TLR6: variants seen among roughly 807,000 people sequenced by gnomAD.
TLR6 encodes toll-like receptor 6.
Under a neutral mutation model 16.1 loss-of-function variants are expected in TLR6, and 9 were observed. The observed-to-expected ratio is 0.56, with a 90% CI of 0.34 to 0.98. The LOEUF (loss-of-function observed/expected upper bound fraction) is 0.98, where lower values mean the gene tolerates loss of function less well. Among genes scored for constraint, TLR6 ranks in the 50% least tolerant of loss-of-function variants. TLR6 has a pLI of 0.02. For missense variants in TLR6, 786 were observed against 921.0 expected, an observed-to-expected ratio of 0.85 and a Z score of 1.90; for synonymous variants, 340 against 338.6, an observed-to-expected ratio of 1.00 and a Z score of -0.04.
At chr4:38,862,948 A>AAAC in the TLR6 span, among the ~76,000 whole-genome samples, 139 of 151,140 alleles carry the variant, frequency 9.2e-4, 1 homozygote, top group Non-Finnish European at 1.1e-3. Flanking sequence ...AAAAAAAAAA[A>AAAC]AAAAAACTCC....
chr4:38,829,367 A>G lies in TLR6; in HGVS notation c.107T>C (p.Val36Ala), dbSNP rs1275789319. The G allele has an allele frequency of 3.7e-6, 6 of 1,614,028 alleles. No individual in the cohort carries two copies. The African/African-American group carries it at 5.3e-5, about 14-fold the overall frequency. The stretch of plus-strand genomic sequence containing the variant: ...AATAAGACCTCTTTTTGACTTGTCT[A>G]CTGCAAATTCATTTCCGTCGGAGAA... The change falls in exon 2 of 2, where the codon GTA becomes GCA. Residue 36 changes from valine to alanine, a missense_variant. Physicochemically the swap from Val to Ala is moderately conservative, Grantham distance 64. Transcript: ENST00000436693.
At chr4:38,826,097 G>C in exon 2 of TLR6, 1 of 152,216 alleles carries the variant, frequency 6.6e-6, no homozygotes, top group East Asian at 1.9e-4. Flanking sequence ...GTGTGCTCCT[G>C]TTACTCTGCA....
At chr4:38,848,421 A>C (rs545244556) in intron 1 of TLR6, among the ~76,000 whole-genome samples, 1 of 152,362 alleles carries the variant, frequency 6.6e-6, no homozygotes, top group East Asian at 1.9e-4. Context: ...CAACGGAACA[A>C]AGCTGGAGAG....
At chr4:38,860,152 T>C (rs60488618), upstream of TLR6, among the ~76,000 whole-genome samples, 34,226 of 152,048 alleles carry the variant, frequency 0.23, 4,727 homozygotes, top group Non-Finnish European at 0.31. Context: ...ATCAATATCA[T>C]AAGATACACA....
At chr4:38,865,920 C>T in the TLR6 span, among the ~76,000 whole-genome samples, 13 of 152,300 alleles carry the variant, frequency 8.5e-5, no homozygotes, top group African/African-American at 3.1e-4. Context: ...GGGCAGATCA[C>T]TTGAGGTCAG....
At chr4:38,862,930 T>TAAAAAAAAAAAAAAAAAAAAAA in the TLR6 span, among the ~76,000 whole-genome samples, 1 of 83,112 alleles carries the variant, frequency 1.2e-5, no homozygotes, top group Non-Finnish European at 2.2e-5. Flanking sequence ...TTCTCCCATC[T>TAAAAAAAAAAAAAAAAAAAAAA]AAAAAAAAAA....
intron 1 of TLR6, among the ~76,000 whole-genome samples, chr4:38,839,194 G>C (rs1348258900): frequency 6.6e-6 from 1 of 151,262 alleles, no homozygotes; most frequent in Non-Finnish European, 1.5e-5. Flanking sequence ...GGTGAAAGAA[G>C]TCAGTCTGAA....
intron 1 of TLR6, among the ~76,000 whole-genome samples, chr4:38,830,394 A>G (rs1489533444): frequency 6.6e-6 from 1 of 152,250 alleles, no homozygotes; most frequent in Non-Finnish European, 1.5e-5. Context: ...ACAAGCAACT[A>G]TAAGCCACAA....
chr4:38,844,899 C>CA (rs905593112), intron 1 of TLR6, among the ~76,000 whole-genome samples: 13 of 150,158 alleles, frequency 8.7e-5, no homozygotes, highest in Admixed American at 4.0e-4. Flanking sequence ...ACTAAACAAA[C>CA]AAAAAAAAAA....
chr4:38,828,345 CT>C lies in TLR6; in HGVS notation c.1128del (p.Val377LeufsTer13), dbSNP rs773125232. The C allele has an allele frequency of 5.9e-5, 95 of 1,613,218 alleles. No homozygotes were observed. In the Admixed American group the frequency reaches 6.2e-4, roughly 10 times the overall value. Reference sequence around the variant, plus strand: ...TGTAAGATAAGTGTCTCCAATTTAACTAACGTGGAACATTTTTCAAAAATAC... The same window carrying C: ...TGTAAGATAAGTGTCTCCAATTTAACAACGTGGAACATTTTTCAAAAATAC... On this transcript the variant is annotated frameshift_variant, in exon 2 of 2. Coordinates refer to ENST00000436693, the Ensembl canonical transcript of TLR6. LOFTEE classifies it low-confidence loss of function (END_TRUNC).
the TLR6 span, among the ~76,000 whole-genome samples, chr4:38,865,206 T>C: frequency 1.6e-4 from 25 of 152,344 alleles, no homozygotes; most frequent in East Asian, 4.4e-3. Context: ...GTATTTCCTA[T>C]ATTTTTTACA....
At chr4:38,830,644 A>G (rs1727774028) in intron 1 of TLR6, among the ~76,000 whole-genome samples, 1 of 152,072 alleles carries the variant, frequency 6.6e-6, no homozygotes, top group African/African-American at 2.4e-5. Context: ...GGGCCGAGGA[A>G]GTCGAGGCTC....
At chr4:38,847,689 G>A (rs1487070846) in intron 1 of TLR6, among the ~76,000 whole-genome samples, 1 of 152,220 alleles carries the variant, frequency 6.6e-6, no homozygotes, top group African/African-American at 2.4e-5. Flanking sequence ...CTCATTGCTA[G>A]CACAGCAGTC....
intron 1 of TLR6, among the ~76,000 whole-genome samples, chr4:38,845,412 T>C (rs748620491): frequency 9.8e-5 from 15 of 152,358 alleles, no homozygotes; most frequent in Non-Finnish European, 2.1e-4. Context: ...TAGTTGCTAA[T>C]CAACTGATCT....
At chr4:38,868,025 C>G in the TLR6 span, 3 of 421,930 alleles carry the variant, frequency 7.1e-6, no homozygotes, top group Admixed American at 7.3e-5. Context: ...TGGGGCGGCG[C>G]GGCCGAGGGA....
chr4:38,846,961 T>A (rs1241690232), intron 1 of TLR6, among the ~76,000 whole-genome samples: 2 of 152,004 alleles, frequency 1.3e-5, no homozygotes, highest in Non-Finnish European at 2.9e-5. Flanking sequence ...GGGATAGAGC[T>A]CAGAATAAAG....
intron 1 of TLR6, among the ~76,000 whole-genome samples, chr4:38,830,217 G>A (rs1727758583): frequency 6.6e-6 from 1 of 152,188 alleles, no homozygotes; most frequent in Non-Finnish European, 1.5e-5. Flanking sequence ...AAGATCAGGG[G>A]TGTTTTTGTT....
Position 38,825,824 on chromosome 4 carries a change from A to G in TLR6, c.*1259T>C, listed in dbSNP as rs56339544. On this transcript the variant is annotated 3_prime_UTR_variant, in exon 2 of 2. Transcript: ENST00000436693. The stretch of plus-strand genomic sequence containing the variant: ...GAAATTCACATCCTTTTACCATGTC[A>G]ATAATGGGAGGGCAGGTTGCTATCA... The G allele has an allele frequency of 2.7e-3, 416 of 152,422 alleles. 8 individuals are homozygous for G. The East Asian group carries it at 0.05, about 18-fold the overall frequency. 9.4% of individuals were successfully genotyped at this position (152,422 alleles called of 1,614,324 possible).
intron 1 of TLR6, among the ~76,000 whole-genome samples, chr4:38,848,273 A>G (rs6531675): frequency 0.04 from 6,048 of 151,994 alleles, 406 homozygotes; most frequent in African/African-American, 0.14. Context: ...CACACCAAAA[A>G]CCCATCTGTA....
Sources: gnomAD v4.1 joint callset for allele counts (sites outside exome capture counted in the v4.1 genomes callset) on GRCh38, gnomAD v4.1.1 for gene constraint, MANE v1.5 for transcripts, NCBI Gene and HGNC (gene_info 2026-07-23, HGNC 2026-07-21) for gene names.